The following PDIA3 variants were observed in gnomAD, a reference collection of about 807,000 sequenced individuals.
PDIA3 encodes protein disulfide isomerase family A member 3.
In PDIA3, 16 loss-of-function variants were observed where a neutral mutation model predicts 56.9. The observed-to-expected ratio is 0.28, with a 90% CI of 0.19 to 0.43. The LOEUF (loss-of-function observed/expected upper bound fraction) is 0.43. Among genes scored for constraint, PDIA3 ranks in the 20% least tolerant of loss-of-function variants. The pLI, the probability that PDIA3 is intolerant of heterozygous loss-of-function variation, is 1.00. For missense variants in PDIA3, 485 were observed against 621.3 expected, an observed-to-expected ratio of 0.78 and a Z score of 2.33; for synonymous variants, 192 against 216.5, an observed-to-expected ratio of 0.89 and a Z score of 0.99.
At position 43,768,417 on chromosome 15, in the gene PDIA3, C is replaced by T. The variant is rs117062566; in HGVS notation, c.1029-72C>T. On this transcript the variant is annotated intron_variant, in intron 8 of 12. Transcript: ENST00000300289. Reference sequence around the variant, plus strand: ...AAAGCTAAAATACATAGTAACTATTCAAAGAAATTGCTGTAATTTTCTCAG... The same window carrying T: ...AAAGCTAAAATACATAGTAACTATTTAAAGAAATTGCTGTAATTTTCTCAG... 1,731 of 1,144,324 alleles carry T rather than the reference C, an allele frequency of 1.5e-3. 31 individuals are homozygous for T. The East Asian group carries it at 0.034, about 23-fold the overall frequency. The allele number at this position is 1,144,324 out of a possible 1,614,324, so 70.9% of individuals were successfully genotyped here.
chr15:43,765,446 T>TA lies in PDIA3; in HGVS notation c.603-2dup, dbSNP rs2086841987. 1 of 1,519,066 alleles carries TA rather than the reference T, an allele frequency of 6.6e-7. No homozygotes were observed. 94.1% of individuals were successfully genotyped at this position (1,519,066 alleles called of 1,614,324 possible). ...TACTGAGACTTTTCTTTTTTTTTTT[T>TA]AAGGGGTATCATCTTATTTCGTCCT... is the stretch of plus-strand genomic sequence containing the variant. On this transcript the variant is annotated splice_polypyrimidine_tract_variant and splice_region_variant and intron_variant, in intron 5 of 12. Coordinates refer to ENST00000300289, the MANE Select transcript of PDIA3 (RefSeq NM_005313.5).
At chr15:43,753,710 G>A (rs1002786493) in intron 1 of PDIA3, 114 bp from the exon 2 acceptor site, 5 of 731,582 alleles carry the variant, frequency 6.8e-6, no homozygotes, top group Non-Finnish European at 1.2e-5. Flanking sequence ...TTGCTTTTTG[G>A]AAGTGTCTAC....
chr15:43,748,823 CCATGGCACTATCT>C (rs1371490597), intron 1 of PDIA3, among the ~76,000 whole-genome samples: 10 of 150,704 alleles, frequency 6.6e-5, no homozygotes, highest in Non-Finnish European at 1.5e-4. Flanking sequence ...GGCTAGAGTG[CCATGGCACTATCT>C]TGACTCACTG....
chr15:43,758,914 T>C (rs1283189575), intron 3 of PDIA3, among the ~76,000 whole-genome samples: 1 of 151,174 alleles, frequency 6.6e-6, no homozygotes, highest in East Asian at 1.9e-4. Flanking sequence ...AAGGTGGAGG[T>C]TGCAGCGAGC....
chr15:43,762,249 C>T (rs2086820768), intron 4 of PDIA3, among the ~76,000 whole-genome samples: 1 of 152,134 alleles, frequency 6.6e-6, no homozygotes. Context: ...CAGTGGCTCA[C>T]GCCTGTAATC....
intron 8 of PDIA3, among the ~76,000 whole-genome samples, chr15:43,767,153 C>T (rs1202177297): frequency 6.6e-6 from 1 of 151,712 alleles, no homozygotes; most frequent in African/African-American, 2.4e-5. Flanking sequence ...AGTTCGAGAC[C>T]AGCCTGACCA....
intron 4 of PDIA3, among the ~76,000 whole-genome samples, chr15:43,762,873 T>C (rs2086825723): frequency 6.6e-6 from 1 of 152,192 alleles, no homozygotes; most frequent in Non-Finnish European, 1.5e-5. Flanking sequence ...CTCCCTTGGC[T>C]CTCTCAAGAA....
At chr15:43,764,925 A>C (rs998557098) in intron 5 of PDIA3, among the ~76,000 whole-genome samples, 2 of 152,216 alleles carry the variant, frequency 1.3e-5, no homozygotes, top group Admixed American at 1.3e-4. Flanking sequence ...TTTCTAACCC[A>C]AAATTTAGTA....
rs1390785833 is a variant in PDIA3 at position 43,758,394 on chromosome 15, C to T, written c.364+1628C>T. Among the ~76,000 whole-genome samples the T allele has an allele frequency of 3.3e-5, 5 of 152,204 alleles. 1 individual carries two copies. Among genetic ancestry groups the T allele is most frequent in the Admixed American group, 1.3e-4 (2 of 15,282 alleles). ...AAAAATAGGGCCAGGCCTGGTGGCT[C>T]ATGCCTATAATCCCAGCACTTTGGG... On this transcript the variant is annotated intron_variant, in intron 3 of 12. Transcript: ENST00000300289.
intron 4 of PDIA3, among the ~76,000 whole-genome samples, chr15:43,761,781 A>G (rs1334815911): frequency 5.3e-5 from 8 of 152,098 alleles, no homozygotes; most frequent in African/African-American, 1.9e-4. Context: ...TCATAGATGT[A>G]AAGGTTTAAT....
In PDIA3 at chr15:43,763,337, C is replaced by T. The variant is rs2086828969; in HGVS notation, c.602+131C>T. ...GTGCAATCTCTGCTCACTGCAGCCT[C>T]CACCTCCCAGGTTCAAACGATTCTC... On this transcript the variant is annotated intron_variant, in intron 5 of 12. Coordinates refer to ENST00000300289, the MANE Select transcript of PDIA3 (RefSeq NM_005313.5). The T allele has an allele frequency of 4.0e-6, 4 of 989,246 alleles. No homozygotes were observed. In the African/African-American group the frequency reaches 4.9e-5, roughly 12 times the overall value. The allele number at this position is 989,246 out of a possible 1,614,324, so 61.3% of individuals were successfully genotyped here. A position where few individuals can be genotyped will look rare whatever the true frequency, so the allele number is the denominator to read the frequency against.
chr15:43,748,931 G>A lies in PDIA3; in HGVS notation c.167+2225G>A, dbSNP rs1874537826. ...TTACAGGTGCCTGCCACAATGCCCA[G>A]CTAATTTTTTTGTATTTTTAATAGA... is the stretch of plus-strand genomic sequence containing the variant. On this transcript the variant is annotated intron_variant, in intron 1 of 12. Coordinates refer to ENST00000300289, the MANE Select transcript of PDIA3 (RefSeq NM_005313.5). Among the ~76,000 whole-genome samples the A allele has an allele frequency of 2.6e-5, 4 of 151,820 alleles. No homozygotes were observed. In the South Asian group the frequency reaches 8.3e-4, roughly 31 times the overall value.
chr15:43,766,819 G>T lies in PDIA3; in HGVS notation c.937G>T (p.Asp313Tyr). 1 of 1,613,660 alleles carries T rather than the reference G, an allele frequency of 6.2e-7. No homozygotes were observed. Among genetic ancestry groups the T allele is most frequent in the Non-Finnish European group, 8.5e-7 (1 of 1,179,552 alleles). ...CAAAACCTTTAGCCATGAACTTTCTGATTTTGGCTTGGAGAGCACTGCTGG... is the reference window on the plus strand; with the variant it reads ...CAAAACCTTTAGCCATGAACTTTCTTATTTTGGCTTGGAGAGCACTGCTGG... ...SRKTFSHELSDFGLESTAGEI... is the reference protein window; with the variant it reads ...SRKTFSHELSYFGLESTAGEI... Residue 313 changes from aspartate (D) to tyrosine (Y), a missense_variant, in exon 8 of 13, where the codon GAT (aspartate) becomes TAT (tyrosine). Physicochemically the swap from Asp to Tyr is radical, Grantham distance 160 (BLOSUM62 -3). Coordinates refer to ENST00000300289, the MANE Select transcript of PDIA3 (RefSeq NM_005313.5).
intron 4 of PDIA3, among the ~76,000 whole-genome samples, 196 bp from the exon 5 acceptor site, chr15:43,762,881 G>T (rs553263339): frequency 6.6e-6 from 1 of 152,260 alleles, no homozygotes; most frequent in East Asian, 1.9e-4. Context: ...GCTCTCTCAA[G>T]AAATGTTTCT....
Position 43,755,157 on chromosome 15 carries a change from C to G in PDIA3, c.246+1255C>G, listed in dbSNP as rs544709926. 5.6e-4 allele frequency among the ~76,000 whole-genome samples: 85 copies of G among 152,092 alleles called. 2 individuals carry two copies. The South Asian group carries it at 0.017, about 31-fold the overall frequency. ...CCTGGCCAACATGGTGAAACCCCAT[C>G]TCTACTAAAAAATATAAAAATTAGC... On this transcript the variant is annotated intron_variant, in intron 2 of 12. Coordinates refer to ENST00000300289, the MANE Select transcript of PDIA3 (RefSeq NM_005313.5).
chr15:43,766,411 A>C (rs138363402), intron 7 of PDIA3, among the ~76,000 whole-genome samples: 11 of 152,370 alleles, frequency 7.2e-5, no homozygotes, highest in Admixed American at 5.2e-4. Context: ...TGAGCCTCTC[A>C]GTGCATTTTA....
At chr15:43,752,446 C>T (rs2086750562) in intron 1 of PDIA3, among the ~76,000 whole-genome samples, 1 of 152,184 alleles carries the variant, frequency 6.6e-6, no homozygotes, top group Non-Finnish European at 1.5e-5. Flanking sequence ...CTGCAAAATA[C>T]ATCTTAATAT....
At chr15:43,769,764 A>T in intron 10 of PDIA3, 118 bp downstream of exon 10, 1 of 1,114,174 alleles carries the variant, frequency 9.0e-7, no homozygotes, top group African/African-American at 1.5e-5. Flanking sequence ...TTTCCCAATT[A>T]CTTGCTGTTT....
intron 1 of PDIA3, among the ~76,000 whole-genome samples, chr15:43,751,389 G>T (rs776489740): frequency 1.3e-5 from 2 of 152,076 alleles, no homozygotes; most frequent in African/African-American, 4.8e-5. Flanking sequence ...AGTACTTGAC[G>T]CATGGCACAC....
Sources: allele counts gnomAD v4.1 joint callset (sites outside exome capture counted in the v4.1 genomes callset), GRCh38; gene constraint gnomAD v4.1.1; transcripts MANE v1.5; gene names NCBI Gene and HGNC (gene_info 2026-07-23, HGNC 2026-07-21).